NBPF26: variants seen among roughly 807,000 people sequenced by gnomAD.
NBPF26 encodes NBPF family member NBPF26.
In NBPF26, 79 loss-of-function variants were observed where a neutral mutation model predicts 119.6. The ratio of observed to expected loss-of-function variants is 0.66; its 90% CI spans 0.55 to 0.80. NBPF26 has a LOEUF of 0.80. Ranked by LOEUF, NBPF26 falls within the 30% of genes least tolerant of loss-of-function variation. The pLI is 0.00. For missense variants in NBPF26, 800 were observed against 1,198.2 expected, an observed-to-expected ratio of 0.67 and a Z score of 4.91; for synonymous variants, 299 against 457.7, an observed-to-expected ratio of 0.65 and a Z score of 4.43.
At chr1:120,745,294 A>G (rs1650969476) in intron 1 of NBPF26, among the ~76,000 whole-genome samples, 1 of 92,502 alleles carries the variant, frequency 1.1e-5, no homozygotes, top group Non-Finnish European at 2.0e-5. Context: ...GGGGGAAAAA[A>G]GGGTAGAATA....
intron 10 of NBPF26, among the ~76,000 whole-genome samples, chr1:120,812,922 A>G (rs1341321249): frequency 4.2e-4 from 4 of 9,422 alleles, no homozygotes; most frequent in Admixed American, 3.4e-3. Flanking sequence ...GACTGCTAAA[A>G]ATAATAATAA....
At chr1:120,754,961 A>T in intron 1 of NBPF26, among the ~76,000 whole-genome samples, 1 of 127,866 alleles carries the variant, frequency 7.8e-6, no homozygotes, top group East Asian at 2.1e-4. Context: ...GGTTGGGTTT[A>T]TTCATAGGTT....
intron 1 of NBPF26, among the ~76,000 whole-genome samples, chr1:120,754,409 T>G (rs1205076803): frequency 2.9e-5 from 2 of 70,062 alleles, no homozygotes; most frequent in Admixed American, 2.8e-4. Flanking sequence ...TTGTAGAGAA[T>G]AATTAAATTT....
intron 17 of NBPF26, 148 bp downstream of exon 17, chr1:120,823,508 A>C: frequency 3.4e-6 from 2 of 583,360 alleles, no homozygotes; most frequent in Non-Finnish European, 5.8e-6. Flanking sequence ...GGTTCTCATT[A>C]GAGTAAATCT....
chr1:120,822,036 G>C, intron 15 of NBPF26, 68 bp from the exon 16 acceptor site: 2 of 1,442,680 alleles, frequency 1.4e-6, no homozygotes, highest in Non-Finnish European at 1.9e-6. Context: ...CAGATCATCT[G>C]GGAGGTTTTG....
chr1:120,762,621 A>T (rs1644337888), intron 1 of NBPF26, among the ~76,000 whole-genome samples: 1 of 59,980 alleles, frequency 1.7e-5, no homozygotes, highest in Admixed American at 1.7e-4. Flanking sequence ...ATGAGCTTCA[A>T]TTTGATATTT....
At chr1:120,768,694 G>A (rs1433575495) in intron 2 of NBPF26, among the ~76,000 whole-genome samples, 1 of 96,778 alleles carries the variant, frequency 1.0e-5, no homozygotes, top group Non-Finnish European at 1.9e-5. Flanking sequence ...GTTTATGCCT[G>A]CTTTCAGTGA....
chr1:120,776,330 G>T, intron 2 of NBPF26, among the ~76,000 whole-genome samples: 1 of 94,762 alleles, frequency 1.1e-5, no homozygotes, highest in Middle Eastern at 4.5e-3. Context: ...CCATGAGAAA[G>T]TGGGGAAAAG....
chr1:120,834,370 T>C, intron 24 of NBPF26, 125 bp from the exon 29 acceptor site: 1 of 8,904 alleles, frequency 1.1e-4, no homozygotes, highest in Non-Finnish European at 1.7e-4. Context: ...CTGAAGAATA[T>C]CTCTCACAGT....
chr1:120,804,525 T>C (rs1281116841), intron 4 of NBPF26, among the ~76,000 whole-genome samples: 63,647 of 84,372 alleles, frequency 0.75, 27,482 homozygotes, highest in African/African-American at 0.85. Context: ...AACAAAATAG[T>C]ATCAGGTTTA....
At chr1:120,733,265 CCT>C (rs1213851039) in intron 1 of NBPF26, among the ~76,000 whole-genome samples, 1 of 86,360 alleles carries the variant, frequency 1.2e-5, no homozygotes, top group Non-Finnish European at 2.0e-5. Context: ...TCTTAATATG[CCT>C]CTCTCATTAC....
rs1651625444 is a variant in NBPF26, at chr1:120,804,369, C to A, written c.752-1187C>A. ...GATCGCCAACCAACCCTGACCATAA[C>A]CTTGATCTTGCCATGTTCTGTTAGT... On this transcript the variant is annotated intron_variant, in intron 4 of 29. Coordinates refer to ENST00000620612, the Ensembl canonical transcript of NBPF26. Among the ~76,000 whole-genome samples, 2 of 102,182 alleles carry A rather than the reference C, an allele frequency of 2.0e-5. 1 individual carries two copies. The highest frequency in any genetic ancestry group is 1.3e-4 in the African/African-American group (2 of 15,352). 67.0% of individuals were successfully genotyped at this position (102,182 alleles called of 152,430 possible).
At position 120,763,660 on chromosome 1, in the gene NBPF26, G is replaced by A; in HGVS notation, c.106G>A (p.Val36Ile). The change falls in exon 2 of 30, where the codon GTA (valine) becomes ATA (isoleucine). Residue 36 changes from valine to isoleucine, a missense_variant. By Grantham distance (29) the Val-to-Ile change is conservative. Around this residue, in one of 13 missense-constraint regions of NBPF26, gnomAD observed 209 missense variants for 285.2 expected, o/e 0.73. Coordinates refer to ENST00000620612, the Ensembl canonical transcript of NBPF26. ...GTGTCGAGATGGCTATGAACCCTGT[G>A]TAAATAAAGGAATGTGTGTTACCTA... The A allele has an allele frequency of 1.4e-6, 2 of 1,414,438 alleles. 1 individual carries two copies. Among genetic ancestry groups the A allele is most frequent in the East Asian group, 4.7e-5 (2 of 42,574 alleles). 87.6% of individuals were successfully genotyped at this position (1,414,438 alleles called of 1,614,324 possible). A position where few individuals can be genotyped will look rare whatever the true frequency, so the allele number is the denominator to read the frequency against.
chr1:120,840,841 T>G (rs1268917321), downstream of NBPF26: 17 of 533,738 alleles, frequency 3.2e-5, 2 homozygotes, highest in Middle Eastern at 5.0e-4. Context: ...GTCAGACATT[T>G]TAATTTGAAC....
intron 1 of NBPF26, among the ~76,000 whole-genome samples, chr1:120,758,952 A>C (rs1434081951): frequency 9.6e-6 from 1 of 104,122 alleles, no homozygotes; most frequent in Non-Finnish European, 1.8e-5. Context: ...TTTATACATT[A>C]CTGGGTTTTG....
Position 120,778,099 on chromosome 1 carries a change from AG to A in NBPF26, c.156-6869del, listed in dbSNP as rs1235422605. Among the ~76,000 whole-genome samples, 8 of 87,346 alleles carry A rather than the reference AG, an allele frequency of 9.2e-5. 1 individual carries two copies. The highest frequency in any genetic ancestry group is 1.6e-4 in the Non-Finnish European group (8 of 48,986). 57.3% of individuals were successfully genotyped at this position (87,346 alleles called of 152,430 possible). A position where few individuals can be genotyped will look rare whatever the true frequency, so the allele number is the denominator to read the frequency against. On this transcript the variant is annotated intron_variant, in intron 2 of 29. Transcript: ENST00000620612. Reference sequence around the variant, plus strand: ...TCTACTTTAACAGGGGGGACAGAGTAGGGGGGCAGGAAACTAAGCTGGCATT... The same window carrying A: ...TCTACTTTAACAGGGGGGACAGAGTAGGGGGCAGGAAACTAAGCTGGCATT...
At position 120,759,564 on chromosome 1, in the gene NBPF26, G is replaced by C. The variant is rs1209619163; in HGVS notation, c.74-4064G>C. ...ATTGGAAAAAAGTAAATTGAATTTT[G>C]AAATGAGGTCTGTCCCGGTCTCACT... On this transcript the variant is annotated intron_variant, in intron 1 of 29. Coordinates refer to ENST00000620612, the Ensembl canonical transcript of NBPF26. Among the ~76,000 whole-genome samples the C allele has an allele frequency of 3.2e-5, 3 of 93,958 alleles. 1 individual carries two copies. The Admixed American group carries it at 3.2e-4, about 10-fold the overall frequency. The allele number at this position is 93,958 out of a possible 152,430, so 61.6% of individuals were successfully genotyped here. A position where few individuals can be genotyped will look rare whatever the true frequency, so the allele number is the denominator to read the frequency against.
chr1:120,817,951 G>T (rs1188846600), intron 14 of NBPF26, among the ~76,000 whole-genome samples, 172 bp from the exon 15 acceptor site: 2 of 115,866 alleles, frequency 1.7e-5, no homozygotes, highest in Admixed American at 1.7e-4. Context: ...TGGAAAGCAG[G>T]GTCATCTAAT....
chr1:120,777,607 T>C, intron 2 of NBPF26, among the ~76,000 whole-genome samples: 1 of 82,164 alleles, frequency 1.2e-5, no homozygotes, highest in Non-Finnish European at 2.1e-5. Flanking sequence ...TTTAAAGTTC[T>C]TTTTGTTTTT....
Sources: gnomAD v4.1 joint callset for allele counts (sites outside exome capture counted in the v4.1 genomes callset) on GRCh38, gnomAD v4.1.1 for gene constraint, gnomAD v4.1.1 regional missense constraint, MANE v1.5 for transcripts, NCBI Gene and HGNC (gene_info 2026-07-23, HGNC 2026-07-21) for gene names.